Variants in GRAMD2B observed in about 807,000 individuals in gnomAD.
The protein encoded by GRAMD2B is GRAM domain containing 2B, also known as GRAM domain-containing protein 2B.
Under a neutral mutation model 59.2 loss-of-function variants are expected in GRAMD2B, and 41 were observed. That is an observed-to-expected ratio of 0.69 (90% CI 0.54 to 0.90). The LOEUF is 0.90. Ranked by LOEUF, GRAMD2B falls within the 40% of genes least tolerant of loss-of-function variation. GRAMD2B has a pLI of 0.00. For missense variants in GRAMD2B, 424 were observed against 500.5 expected (o/e 0.85, Z 1.46); for synonymous variants, 161 against 182.7 (o/e 0.88, Z 0.96).
rs1774249117 is a variant in GRAMD2B at position 126,493,268 on chromosome 5, A to G, written c.*312A>G. 1 of 334,864 alleles carries G rather than the reference A, an allele frequency of 3.0e-6. No homozygotes were observed. Among genetic ancestry groups the G allele is most frequent in the Non-Finnish European group, 5.6e-6 (1 of 179,772 alleles). The allele number at this position is 334,864 out of a possible 1,614,324, so 20.7% of individuals were successfully genotyped here. ...CTTGGATAATTACCACGATGGCGTC[A>G]GCAAACACTCCACCCTGTGCCTTTT... On this transcript the variant is annotated 3_prime_UTR_variant, in exon 14 of 14. Coordinates refer to ENST00000285689, the MANE Select transcript of GRAMD2B (RefSeq NM_023927.4).
intron 1 of GRAMD2B, among the ~76,000 whole-genome samples, chr5:126,437,764 A>G (rs1273814461): frequency 6.6e-6 from 1 of 152,230 alleles, no homozygotes; most frequent in African/African-American, 2.4e-5. Flanking sequence ...TACAACCAAG[A>G]GCAGCTACTA....
At chr5:126,472,030 G>C (rs1489799829) in intron 3 of GRAMD2B, among the ~76,000 whole-genome samples, 1 of 152,170 alleles carries the variant, frequency 6.6e-6, no homozygotes, top group East Asian at 1.9e-4. Flanking sequence ...TATCCAACCA[G>C]CAAAGCATTA....
chr5:126,429,077 C>G (rs780069620), intron 1 of GRAMD2B, among the ~76,000 whole-genome samples: 23 of 152,112 alleles, frequency 1.5e-4, no homozygotes, highest in Admixed American at 5.9e-4. Context: ...TTTATAAAGA[C>G]ACATGCATGT....
chr5:126,439,700 A>G (rs145865766), intron 1 of GRAMD2B, among the ~76,000 whole-genome samples: 91 of 152,314 alleles, frequency 6.0e-4, no homozygotes, highest in African/African-American at 2.0e-3. Context: ...TTGACTGATT[A>G]TCAGAAAAAT....
At chr5:126,395,422 A>G (rs1333389973) in intron 1 of GRAMD2B, among the ~76,000 whole-genome samples, 2 of 152,134 alleles carry the variant, frequency 1.3e-5, no homozygotes, top group Admixed American at 6.6e-5. Flanking sequence ...GAAAGCCCTC[A>G]TAGTTTGCCT....
chr5:126,422,646 G>A (rs574589390), upstream of GRAMD2B, among the ~76,000 whole-genome samples: 5 of 152,320 alleles, frequency 3.3e-5, no homozygotes, highest in South Asian at 1.0e-3. Flanking sequence ...CTGGAACTTT[G>A]TAGCTCTCAA....
intron 5 of GRAMD2B, among the ~76,000 whole-genome samples, chr5:126,473,951 T>G (rs1770095922): frequency 6.6e-6 from 1 of 152,192 alleles, no homozygotes; most frequent in Non-Finnish European, 1.5e-5. Flanking sequence ...TTCATTATTA[T>G]TAAATATAGA....
At chr5:126,388,310 C>T (rs1005312485) in intron 1 of GRAMD2B, among the ~76,000 whole-genome samples, 1 of 152,032 alleles carries the variant, frequency 6.6e-6, no homozygotes, top group African/African-American at 2.4e-5. Flanking sequence ...GAGATTGAGG[C>T]TGCAGTGAGC....
At chr5:126,391,374 C>T (rs1455718955) in intron 1 of GRAMD2B, among the ~76,000 whole-genome samples, 2 of 123,044 alleles carry the variant, frequency 1.6e-5, no homozygotes, top group Admixed American at 8.9e-5. Flanking sequence ...TATAGCTCAA[C>T]AAAGCTGAAA....
At chr5:126,360,379 A>C in exon 1 of GRAMD2B, 1 of 1,551,444 alleles carries the variant, frequency 6.4e-7, no homozygotes, top group Non-Finnish European at 8.7e-7. Context: ...GCATTCAGCA[A>C]ACATTCCAAG....
At chr5:126,437,269 G>T (rs954863799) in intron 1 of GRAMD2B, among the ~76,000 whole-genome samples, 4 of 152,178 alleles carry the variant, frequency 2.6e-5, no homozygotes, top group African/African-American at 9.6e-5. Context: ...GAATGAGTTT[G>T]AGAAATTCTG....
At chr5:126,440,588 C>A (rs1384315985) in intron 1 of GRAMD2B, among the ~76,000 whole-genome samples, 1 of 151,604 alleles carries the variant, frequency 6.6e-6, no homozygotes, top group Non-Finnish European at 1.5e-5. Context: ...TTAAAATAAG[C>A]CCCTGATCAA....
chr5:126,440,388 G>T (rs1763091856), intron 1 of GRAMD2B, among the ~76,000 whole-genome samples: 1 of 152,174 alleles, frequency 6.6e-6, no homozygotes, highest in African/African-American at 2.4e-5. Flanking sequence ...GAAGCATTCA[G>T]AAATAGCCAA....
intron 1 of GRAMD2B, among the ~76,000 whole-genome samples, chr5:126,431,827 G>A (rs1434307305): frequency 6.6e-6 from 1 of 152,184 alleles, no homozygotes; most frequent in Non-Finnish European, 1.5e-5. Context: ...CTTCTGCCCT[G>A]GAAGATATTC....
upstream of GRAMD2B, among the ~76,000 whole-genome samples, chr5:126,420,727 T>C (rs1330186105): frequency 6.6e-6 from 1 of 152,188 alleles, no homozygotes; most frequent in East Asian, 1.9e-4. Flanking sequence ...GCAAGTCTAC[T>C]CCTAGGTATA....
intron 1 of GRAMD2B, among the ~76,000 whole-genome samples, chr5:126,427,775 A>T (rs1183448997): frequency 6.6e-6 from 1 of 152,236 alleles, no homozygotes; most frequent in East Asian, 1.9e-4. Context: ...TTGGGAACTG[A>T]TCCTGAATTA....
At chr5:126,455,310 T>TA (rs1344168368) in intron 1 of GRAMD2B, among the ~76,000 whole-genome samples, 1 of 152,192 alleles carries the variant, frequency 6.6e-6, no homozygotes, top group Non-Finnish European at 1.5e-5. Flanking sequence ...TCCTTCTGTT[T>TA]AAAAATCTTC....
intron 1 of GRAMD2B, among the ~76,000 whole-genome samples, chr5:126,396,378 T>C (rs1299454137): frequency 6.6e-6 from 1 of 152,160 alleles, no homozygotes; most frequent in African/African-American, 2.4e-5. Context: ...CCTCTATGTG[T>C]CCATGTGTTC....
At chr5:126,377,704 C>T (rs1755322170) in intron 1 of GRAMD2B, among the ~76,000 whole-genome samples, 1 of 152,146 alleles carries the variant, frequency 6.6e-6, no homozygotes, top group Non-Finnish European at 1.5e-5. Context: ...GAATGGCTTC[C>T]AGGAATACTC....
Sources: gnomAD v4.1 joint callset for allele counts (sites outside exome capture counted in the v4.1 genomes callset) on GRCh38, gnomAD v4.1.1 for gene constraint, MANE v1.5 for transcripts, NCBI Gene and HGNC (gene_info 2026-07-23, HGNC 2026-07-21) for gene names.